Variants in FER observed in about 807,000 individuals in gnomAD.
FER encodes tyrosine-protein kinase Fer.
A neutral mutation model predicts 111.0 loss-of-function variants in FER; 63 were observed. The ratio of observed to expected loss-of-function variants is 0.57; its 90% confidence interval spans 0.46 to 0.70. The LOEUF (loss-of-function observed/expected upper bound fraction) is 0.70. Ranked by LOEUF, FER falls within the 30% of genes least tolerant of loss-of-function variation. FER has a pLI of 0.00. For synonymous variants in FER, 327 were observed against 313.9 expected (o/e 1.04, Z -0.44); for missense variants, 914 against 954.0 (o/e 0.96, Z 0.55).
chr5:108,899,876 T>C (rs1749759788), intron 10 of FER, among the ~76,000 whole-genome samples: 1 of 152,132 alleles, frequency 6.6e-6, no homozygotes, highest in Non-Finnish European at 1.5e-5. Context: ...TTTGTTTAAC[T>C]AATGAATAGA....
At chr5:108,881,187 C>T (rs1217313109) in intron 8 of FER, among the ~76,000 whole-genome samples, 2 of 152,100 alleles carry the variant, frequency 1.3e-5, no homozygotes, top group Non-Finnish European at 2.9e-5. Flanking sequence ...TCTGTTTGGA[C>T]TGTATTAGTC....
At position 108,866,943 on chromosome 5, in the gene FER, T is replaced by A. The variant is rs143809658; in HGVS notation, c.482-824T>A. Among the ~76,000 whole-genome samples the A allele has an allele frequency of 1.6e-3, 243 of 152,332 alleles. 2 individuals are homozygous for A. The highest frequency in any genetic ancestry group is 5.7e-3 in the African/African-American group (238 of 41,578). ...ATAAAATGTTTTTAACTCATAACAT[T>A]ATCAGTATCTCTCAGACTTCTTCCA... On this transcript the variant is annotated intron_variant, in intron 5 of 19. Coordinates refer to ENST00000281092, the MANE Select transcript of FER (RefSeq NM_005246.4).
intron 16 of FER, among the ~76,000 whole-genome samples, chr5:109,090,385 T>C (rs149575746): frequency 1.2e-4 from 18 of 152,286 alleles, no homozygotes; most frequent in South Asian, 2.1e-4. Context: ...CCATAAAGAT[T>C]TGTAGTGGTG....
At chr5:108,787,318 GA>G (rs1754850481) in intron 2 of FER, among the ~76,000 whole-genome samples, 1 of 152,154 alleles carries the variant, frequency 6.6e-6, no homozygotes, top group African/African-American at 2.4e-5. Context: ...ACAAGCGTAG[GA>G]GGGGGGCCGC....
At chr5:109,121,519 T>G (rs1043552687) in intron 17 of FER, among the ~76,000 whole-genome samples, 2 of 152,152 alleles carry the variant, frequency 1.3e-5, no homozygotes, top group African/African-American at 4.8e-5. Context: ...GATTTTTGCA[T>G]CAATGTTCAT....
At chr5:108,926,120 A>G (rs1426743085) in intron 10 of FER, among the ~76,000 whole-genome samples, 1 of 148,606 alleles carries the variant, frequency 6.7e-6, no homozygotes, top group African/African-American at 2.5e-5. Context: ...TGTGCTTTTT[A>G]TTTATTTTTG....
chr5:108,979,151 C>T (rs963696611), intron 13 of FER, among the ~76,000 whole-genome samples: 2 of 152,112 alleles, frequency 1.3e-5, no homozygotes, highest in Non-Finnish European at 2.9e-5. Context: ...CTTAGAAATC[C>T]TAGCTTGTGG....
chr5:109,050,927 C>G (rs982827406), intron 16 of FER, among the ~76,000 whole-genome samples: 8 of 152,158 alleles, frequency 5.3e-5, no homozygotes, highest in Non-Finnish European at 1.2e-4. Flanking sequence ...AGAATTATTT[C>G]AGTTTCTTGG....
intron 13 of FER, among the ~76,000 whole-genome samples, chr5:108,984,173 TC>T (rs773511960): frequency 8.7e-5 from 13 of 149,056 alleles, no homozygotes; most frequent in Non-Finnish European, 1.5e-4. Flanking sequence ...AAGTAAAAGA[TC>T]CCTAAAAGTT....
rs891822788 is a variant in FER at position 108,883,648 on chromosome 5, T to A, written c.1046+130T>A. 8.1e-6 allele frequency: 6 copies of A among 740,756 alleles called. No individual in the cohort carries two copies. The African/African-American group carries it at 1.1e-4, about 14-fold the overall frequency. 45.9% of individuals were successfully genotyped at this position (740,756 alleles called of 1,614,324 possible). A position where few individuals can be genotyped will look rare whatever the true frequency, so the allele number is the denominator to read the frequency against. On this transcript the variant is annotated intron_variant, in intron 9 of 19. Coordinates refer to ENST00000281092, the MANE Select transcript of FER (RefSeq NM_005246.4). ...CTTTTATTTTAAGTATGAAGTTTTG[T>A]ATAGTTAATTTCTAGGATTCTGGAA...
chr5:108,822,905 T>C (rs146585790), intron 3 of FER, among the ~76,000 whole-genome samples: 6,255 of 150,956 alleles, frequency 0.041, 183 homozygotes, highest in South Asian at 0.11. Flanking sequence ...TTCTCCTGCC[T>C]CAGCCTCCTG....
intron 3 of FER, among the ~76,000 whole-genome samples, chr5:108,812,356 T>C (rs1757852262): frequency 6.6e-6 from 1 of 152,228 alleles, no homozygotes; most frequent in African/African-American, 2.4e-5. Flanking sequence ...ACATTCTTTG[T>C]TGTGAAATGT....
intron 10 of FER, among the ~76,000 whole-genome samples, chr5:108,927,046 G>C (rs1031163801): frequency 6.6e-6 from 1 of 151,924 alleles, no homozygotes; most frequent in Non-Finnish European, 1.5e-5. Flanking sequence ...CCTCCAAGTA[G>C]TGTGTCATAT....
At chr5:108,924,696 T>A in intron 10 of FER, 1 of 1,232,100 alleles carries the variant, frequency 8.1e-7, no homozygotes, top group Non-Finnish European at 1.0e-6. Flanking sequence ...ATTGTAAGGA[T>A]CAGCTGGAGT....
At chr5:108,919,794 C>T (rs180890589) in intron 10 of FER, among the ~76,000 whole-genome samples, 25 of 152,206 alleles carry the variant, frequency 1.6e-4, no homozygotes, top group Admixed American at 3.3e-4. Flanking sequence ...ATTACTAAGC[C>T]AACAGATGTG....
chr5:109,130,127 T>C (rs1752202009), intron 17 of FER, among the ~76,000 whole-genome samples: 1 of 151,948 alleles, frequency 6.6e-6, no homozygotes, highest in Non-Finnish European at 1.5e-5. Context: ...CTTTATAGTT[T>C]TACAAAACCT....
At position 108,833,873 on chromosome 5, in the gene FER, C is replaced by CA. The variant is rs59216791; in HGVS notation, c.381+946dup. Among the ~76,000 whole-genome samples the CA allele has an allele frequency of 5.2e-3, 534 of 103,192 alleles. 2 individuals carry two copies. Among genetic ancestry groups the CA allele is most frequent in the African/African-American group, 9.5e-3 (266 of 28,144 alleles). The allele number at this position is 103,192 out of a possible 152,430, so 67.7% of individuals were successfully genotyped here. Reference sequence around the variant, plus strand: ...TGGGCATCAGAGCAAGACTCCGTCTCAAAAAAAAAAAAAAAATGTAACTAC... The same window carrying CA: ...TGGGCATCAGAGCAAGACTCCGTCTCAAAAAAAAAAAAAAAAATGTAACTAC... On this transcript the variant is annotated intron_variant, in intron 4 of 19. Transcript: ENST00000281092.
intron 17 of FER, among the ~76,000 whole-genome samples, chr5:109,133,305 C>CA (rs1312011361): frequency 6.6e-6 from 1 of 152,076 alleles, no homozygotes; most frequent in Non-Finnish European, 1.5e-5. Context: ...GATAATGTGA[C>CA]TTACAGAAAA....
intron 17 of FER, among the ~76,000 whole-genome samples, chr5:109,171,511 A>C (rs1392460745): frequency 6.6e-6 from 1 of 152,218 alleles, no homozygotes; most frequent in Admixed American, 6.5e-5. Context: ...TGGCACATAT[A>C]AAGGACTCAA....
Sources: allele counts gnomAD v4.1 joint callset (sites outside exome capture counted in the v4.1 genomes callset), GRCh38; gene constraint gnomAD v4.1.1; transcripts MANE v1.5; gene names NCBI Gene and HGNC (gene_info 2026-07-23, HGNC 2026-07-21).